Variants in MSRB2 observed in about 807,000 individuals in gnomAD.
MSRB2 encodes methionine sulfoxide reductase B2, also known as methionine-R-sulfoxide reductase B2, mitochondrial.
Under a neutral mutation model 19.0 loss-of-function variants are expected in MSRB2, and 17 were observed. That is an observed-to-expected ratio of 0.89 (90% CI 0.61 to 1.34). The LOEUF is 1.34. Ranked by LOEUF, MSRB2 falls within the 40% of genes most tolerant of loss-of-function variation. The pLI, the probability that MSRB2 is intolerant of heterozygous loss-of-function variation, is 0.00. For missense variants in MSRB2, 208 were observed against 237.6 expected (o/e 0.88, Z 0.82); for synonymous variants, 107 against 99.7 (o/e 1.07, Z -0.44).
At position 23,104,220 on chromosome 10, in the gene MSRB2, C is replaced by T. The variant is rs760210021; in HGVS notation, c.195C>T (p.Val65=). 2 of 1,613,668 alleles carry T rather than the reference C, an allele frequency of 1.2e-6. No homozygotes were observed. The highest frequency in any genetic ancestry group is 1.7e-6 in the Non-Finnish European group (2 of 1,179,816). The part of the protein sequence containing the change: ...QKKLTPEQFY[V]TREKGTEPPF... The stretch of plus-strand genomic sequence containing the variant: ...AACTAACCCCGGAGCAGTTCTACGT[C>T]ACAAGAGAAAAGGGAACGGAACCGG... The change falls in exon 2 of 5, where the codon GTC becomes GTT. Residue 65 remains valine (V), a synonymous_variant. Coordinates refer to ENST00000376510, the MANE Select transcript of MSRB2 (RefSeq NM_012228.4).
intron 2 of MSRB2, among the ~76,000 whole-genome samples, chr10:23,105,204 CTGTG>C (rs369455463): frequency 7.7e-6 from 1 of 130,278 alleles, no homozygotes; most frequent in African/African-American, 3.1e-5. Flanking sequence ...CTCTCTCTCT[CTGTG>C]TGTCTGTGTG....
intron 3 of MSRB2, among the ~76,000 whole-genome samples, chr10:23,116,049 C>G (rs1840106483): frequency 6.6e-6 from 1 of 152,090 alleles, no homozygotes; most frequent in African/African-American, 2.4e-5. Context: ...AATATGCAGA[C>G]ATTTCTAGTT....
At chr10:23,097,753 CTT>C (rs989401726) in intron 1 of MSRB2, among the ~76,000 whole-genome samples, 5 of 152,048 alleles carry the variant, frequency 3.3e-5, no homozygotes, top group African/African-American at 1.2e-4. Flanking sequence ...TAAAGAATAA[CTT>C]TTTAATTAAA....
intron 1 of MSRB2, among the ~76,000 whole-genome samples, chr10:23,097,997 T>C (rs564622107): frequency 1.3e-5 from 2 of 152,224 alleles, no homozygotes; most frequent in Non-Finnish European, 2.9e-5. Context: ...TTAATCCAGA[T>C]TGACAAAGAG....
intron 3 of MSRB2, among the ~76,000 whole-genome samples, chr10:23,112,209 TA>T (rs1442124836): frequency 2.6e-5 from 4 of 152,232 alleles, no homozygotes; most frequent in African/African-American, 9.6e-5. Context: ...TTTGCATTCT[TA>T]AAGACTTCTG....
At chr10:23,095,857 CT>C (rs1159605480) in intron 1 of MSRB2, 131 bp downstream of exon 1, 4 of 492,846 alleles carry the variant, frequency 8.1e-6, no homozygotes, top group Non-Finnish European at 9.0e-6. Context: ...CGGCGCGCCC[CT>C]CCCCCCCCCC....
At chr10:23,105,591 T>C (rs1398542751) in intron 2 of MSRB2, among the ~76,000 whole-genome samples, 1 of 152,206 alleles carries the variant, frequency 6.6e-6, no homozygotes, top group Admixed American at 6.5e-5. Context: ...AAGTGGTCTG[T>C]CTTAGACCCA....
chr10:23,109,884 C>G (rs530127364), intron 2 of MSRB2, among the ~76,000 whole-genome samples: 18 of 152,156 alleles, frequency 1.2e-4, no homozygotes, highest in Non-Finnish European at 2.1e-4. Flanking sequence ...GGACTAGATT[C>G]CTGTTGTATT....
At chr10:23,095,903 G>C (rs913963455) in intron 1 of MSRB2, among the ~76,000 whole-genome samples, 177 bp downstream of exon 1, 2 of 148,000 alleles carry the variant, frequency 1.4e-5, no homozygotes, top group Non-Finnish European at 3.0e-5. Flanking sequence ...TTGTAAACTT[G>C]GTGGCGGCAG....
Position 23,120,999 on chromosome 10 carries a change from T to C in MSRB2, c.*137T>C, listed in dbSNP as rs1292199749. ...TGTCTCCAGCGAGTCATTGCTTCTC[T>C]TAATTTATTTACCTGGAATCAACTT... On this transcript the variant is annotated 3_prime_UTR_variant, in exon 5 of 5. Coordinates refer to ENST00000376510, the MANE Select transcript of MSRB2 (RefSeq NM_012228.4). 3 of 642,182 alleles carry C rather than the reference T, an allele frequency of 4.7e-6. No individual in the cohort carries two copies. Among genetic ancestry groups the C allele is most frequent in the African/African-American group, 1.8e-5 (1 of 54,816 alleles). The allele number at this position is 642,182 out of a possible 1,614,324, so 39.8% of individuals were successfully genotyped here.
chr10:23,115,412 G>A (rs553163960), intron 3 of MSRB2, among the ~76,000 whole-genome samples: 3 of 152,112 alleles, frequency 2.0e-5, no homozygotes, highest in Admixed American at 6.5e-5. Context: ...TCCTGATGTC[G>A]TATGTACCAT....
intron 3 of MSRB2, among the ~76,000 whole-genome samples, chr10:23,111,406 A>G (rs979413448): frequency 2.6e-5 from 4 of 152,228 alleles, no homozygotes; most frequent in African/African-American, 4.8e-5. Flanking sequence ...CCATGCTGCC[A>G]GCGTGTCAAG....
chr10:23,120,465 G>T (rs1190662821), intron 4 of MSRB2, among the ~76,000 whole-genome samples: 2 of 152,092 alleles, frequency 1.3e-5, no homozygotes, highest in Admixed American at 6.5e-5. Flanking sequence ...TCAATTAATT[G>T]TCCCCACAGC....
In MSRB2 at chr10:23,119,182, A is replaced by G. The variant is rs773685780; in HGVS notation, c.297-122A>G. 30 of 1,247,990 alleles carry G rather than the reference A, an allele frequency of 2.4e-5. No homozygotes were observed. The South Asian group carries it at 3.5e-4, about 15-fold the overall frequency. 77.3% of individuals were successfully genotyped at this position (1,247,990 alleles called of 1,614,324 possible). On this transcript the variant is annotated intron_variant, in intron 3 of 4. Transcript: ENST00000376510. ...GGGACTGACTGTCGAATAACTGGGC[A>G]TGGGATCTGGCAGAGGAGAGTGGGA... is the stretch of plus-strand genomic sequence containing the variant.
chr10:23,107,430 C>T (rs1402731659), intron 2 of MSRB2, among the ~76,000 whole-genome samples: 1 of 152,236 alleles, frequency 6.6e-6, no homozygotes, highest in East Asian at 1.9e-4. Context: ...TCTTCCATTT[C>T]CTCATTCAAT....
At chr10:23,112,250 T>A (rs921421104) in intron 3 of MSRB2, among the ~76,000 whole-genome samples, 2 of 152,260 alleles carry the variant, frequency 1.3e-5, no homozygotes, top group Admixed American at 6.5e-5. Flanking sequence ...TTCCTGTTGC[T>A]GCTACTGCAG....
chr10:23,106,101 G>A (rs557226989), intron 2 of MSRB2, among the ~76,000 whole-genome samples: 1 of 152,190 alleles, frequency 6.6e-6, no homozygotes, highest in African/African-American at 2.4e-5. Context: ...AAATAAATCT[G>A]TGGGCTTCTC....
intron 3 of MSRB2, among the ~76,000 whole-genome samples, chr10:23,111,419 C>T (rs1840051531): frequency 1.3e-5 from 2 of 152,228 alleles, no homozygotes; most frequent in African/African-American, 2.4e-5. Context: ...GTGTCAAGGG[C>T]TCCCTTGTTA....
At chr10:23,099,178 G>C (rs898320474) in intron 1 of MSRB2, among the ~76,000 whole-genome samples, 1 of 152,176 alleles carries the variant, frequency 6.6e-6, no homozygotes, top group African/African-American at 2.4e-5. Context: ...GGCGGGCAGG[G>C]AGTGTCACAA....
Sources: gnomAD v4.1 joint callset for allele counts (sites outside exome capture counted in the v4.1 genomes callset) on GRCh38, gnomAD v4.1.1 for gene constraint, MANE v1.5 for transcripts, NCBI Gene and HGNC (gene_info 2026-07-23, HGNC 2026-07-21) for gene names.